FAM107B: variants seen among roughly 807,000 people sequenced by gnomAD.
The protein encoded by FAM107B is protein FAM107B.
FAM107B carries 21 observed loss-of-function variants against 31.5 expected under a neutral mutation model. The observed-to-expected ratio is 0.67, with a 90% confidence interval of 0.47 to 0.96. The LOEUF (loss-of-function observed/expected upper bound fraction) is 0.96, where lower values mean the gene tolerates loss of function less well. Ranked by LOEUF, FAM107B falls within the 40% of genes least tolerant of loss-of-function variation. The pLI is 0.00. For missense variants in FAM107B, 452 were observed against 377.1 expected, an observed-to-expected ratio of 1.20 and a Z score of -1.64; for synonymous variants, 157 against 141.5, an observed-to-expected ratio of 1.11 and a Z score of -0.78.
chr10:14,523,796 C>G (rs1366038353), intron 3 of FAM107B, among the ~76,000 whole-genome samples: 1 of 152,016 alleles, frequency 6.6e-6, no homozygotes, highest in Non-Finnish European at 1.5e-5. Flanking sequence ...TCTCTCCTAT[C>G]TAGATGTTTT....
In FAM107B at chr10:14,649,471, T is replaced by C. The variant is rs150426355; in HGVS notation, c.469+18163A>G. Among the ~76,000 whole-genome samples the C allele has an allele frequency of 5.2e-3, 794 of 152,322 alleles. 4 individuals carry two copies. Among genetic ancestry groups the C allele is most frequent in the African/African-American group, 0.018 (758 of 41,570 alleles). On this transcript the variant is annotated intron_variant, in intron 2 of 4. Transcript: ENST00000181796. ...TTTACCATCTAGTCTCTCTGAAGCCTGCTATCTGGAGGCTTCATCTACATA... is the reference window on the plus strand; with the variant it reads ...TTTACCATCTAGTCTCTCTGAAGCCCGCTATCTGGAGGCTTCATCTACATA...
intron 2 of FAM107B, among the ~76,000 whole-genome samples, chr10:14,637,500 G>A (rs148388373): frequency 3.3e-5 from 5 of 152,202 alleles, no homozygotes; most frequent in African/African-American, 1.2e-4. Context: ...CAGGTGTGGT[G>A]GCTAACTTTT....
chr10:14,637,373 G>A (rs967087394), intron 2 of FAM107B, among the ~76,000 whole-genome samples: 4 of 152,134 alleles, frequency 2.6e-5, no homozygotes, highest in Non-Finnish European at 5.9e-5. Flanking sequence ...AGTGACTCAC[G>A]CCACTAATCT....
chr10:14,668,932 C>T (rs1483292651), intron 1 of FAM107B, among the ~76,000 whole-genome samples: 2 of 152,062 alleles, frequency 1.3e-5, no homozygotes, highest in Admixed American at 6.5e-5. Context: ...TATTCTATAA[C>T]CAGAGTGAAA....
At chr10:14,572,505 T>C (rs570505736) in intron 2 of FAM107B, 4 of 595,212 alleles carry the variant, frequency 6.7e-6, no homozygotes, top group African/African-American at 2.0e-5. Context: ...CTGGGATTCA[T>C]GGCATCACAG....
chr10:14,583,592 G>A (rs915085101), intron 2 of FAM107B, among the ~76,000 whole-genome samples: 6 of 152,044 alleles, frequency 3.9e-5, no homozygotes, highest in Non-Finnish European at 1.5e-5. Flanking sequence ...CGGAAGTTGT[G>A]GCCAGACACA....
In FAM107B at chr10:14,761,383, G is replaced by A. The variant is rs191683386; in HGVS notation, c.411+12870C>T. Among the ~76,000 whole-genome samples, 235 of 152,200 alleles carry A rather than the reference G, an allele frequency of 1.5e-3. 2 individuals carry two copies. The highest frequency in any genetic ancestry group is 5.3e-3 in the African/African-American group (220 of 41,532). On this transcript the variant is annotated intron_variant, in intron 1 of 4. Coordinates refer to ENST00000181796, the MANE Select transcript of FAM107B (RefSeq NM_031453.4). ...ATTTATCTCATTTCTGTGGCTTATT[G>A]TTAAAAGTACCCATACAGTTATACA...
At chr10:14,611,403 C>T (rs767623552) in intron 2 of FAM107B, among the ~76,000 whole-genome samples, 97 of 150,374 alleles carry the variant, frequency 6.5e-4, no homozygotes, top group Non-Finnish European at 1.2e-3. Flanking sequence ...TTCTGATATT[C>T]GCTCTAGATA....
chr10:14,722,079 G>T (rs1855925132), intron 1 of FAM107B, among the ~76,000 whole-genome samples: 1 of 152,134 alleles, frequency 6.6e-6, no homozygotes, highest in African/African-American at 2.4e-5. Context: ...TTTTCTAAGT[G>T]TACAATTCAG....
intron 2 of FAM107B, among the ~76,000 whole-genome samples, chr10:14,576,253 G>A (rs757598088): frequency 1.2e-4 from 18 of 152,300 alleles, no homozygotes; most frequent in Admixed American, 2.0e-4. Context: ...AGTTGGCCAC[G>A]TGCAGTGGCT....
At chr10:14,709,138 G>A (rs928448320) in intron 1 of FAM107B, among the ~76,000 whole-genome samples, 1 of 152,180 alleles carries the variant, frequency 6.6e-6, no homozygotes, top group African/African-American at 2.4e-5. Flanking sequence ...CAGTTTGGTA[G>A]TTTCTCACAA....
Position 14,528,174 on chromosome 10 carries a change from G to GTTTT in FAM107B, c.653+2154_653+2157dup, listed in dbSNP as rs34584902. 2.5e-3 allele frequency: 167 copies of GTTTT among 67,752 alleles called. 2 individuals are homozygous for GTTTT. The highest frequency in any genetic ancestry group is 3.6e-3 in the East Asian group (7 of 1,968). 4.2% of individuals were successfully genotyped at this position (67,752 alleles called of 1,614,324 possible). On this transcript the variant is annotated intron_variant, in intron 3 of 4. Transcript: ENST00000181796. Reference sequence around the variant, plus strand: ...ACGCTATTATTTACTTTAAGTTTTGGTTTTTTTTTTTTTTTTTTTTTTTTA... The same window carrying GTTTT: ...ACGCTATTATTTACTTTAAGTTTTGGTTTTTTTTTTTTTTTTTTTTTTTTTTTTA...
At chr10:14,671,512 C>A (rs1432664003) in intron 1 of FAM107B, among the ~76,000 whole-genome samples, 1 of 152,130 alleles carries the variant, frequency 6.6e-6, no homozygotes, top group African/African-American at 2.4e-5. Flanking sequence ...GGCTCCACCC[C>A]AAGTGGGCAG....
intron 2 of FAM107B, among the ~76,000 whole-genome samples, chr10:14,638,909 G>T (rs1327628023): frequency 6.6e-6 from 1 of 152,022 alleles, no homozygotes; most frequent in Admixed American, 6.6e-5. Flanking sequence ...CACCTACTTT[G>T]TCCAGGCACG....
intron 2 of FAM107B, among the ~76,000 whole-genome samples, chr10:14,562,261 T>C (rs1850307583): frequency 6.6e-6 from 1 of 152,210 alleles, no homozygotes; most frequent in Non-Finnish European, 1.5e-5. Context: ...AATATTAGAA[T>C]ATGCAATTAA....
chr10:14,568,063 G>T (rs368257538), intron 2 of FAM107B, among the ~76,000 whole-genome samples: 2 of 152,184 alleles, frequency 1.3e-5, no homozygotes, highest in African/African-American at 4.8e-5. Flanking sequence ...GTGAGCCAGG[G>T]GCCAAAACTT....
At position 14,718,259 on chromosome 10, in the gene FAM107B, G is replaced by A. The variant is rs572067020; in HGVS notation, c.412-50568C>T. On this transcript the variant is annotated intron_variant, in intron 1 of 4. Coordinates refer to ENST00000181796, the MANE Select transcript of FAM107B (RefSeq NM_031453.4). ...GCAGAATAGCTGAAACCTGGGAGGC[G>A]GAGGTTGCAGTGAGCCAAGATTGCA... Among the ~76,000 whole-genome samples the A allele has an allele frequency of 2.6e-4, 39 of 152,172 alleles. No individual in the cohort carries two copies. In the East Asian group the frequency reaches 6.6e-3, roughly 26 times the overall value.
intron 2 of FAM107B, among the ~76,000 whole-genome samples, chr10:14,537,801 C>T (rs894804537): frequency 2.0e-5 from 3 of 146,660 alleles, no homozygotes; most frequent in African/African-American, 7.6e-5. Flanking sequence ...CGCCACTGCA[C>T]TCCAGCCTGG....
intron 2 of FAM107B, among the ~76,000 whole-genome samples, chr10:14,639,967 C>A (rs1206336602): frequency 5.3e-5 from 8 of 152,230 alleles, no homozygotes; most frequent in Non-Finnish European, 1.2e-4. Flanking sequence ...GAAATTCACT[C>A]TGACTGCCAC....
Sources: gnomAD v4.1 joint callset for allele counts (sites outside exome capture counted in the v4.1 genomes callset) on GRCh38, gnomAD v4.1.1 for gene constraint, MANE v1.5 for transcripts, NCBI Gene and HGNC (gene_info 2026-07-23, HGNC 2026-07-21) for gene names.